PCDHGB2: variants seen among roughly 807,000 people sequenced by gnomAD.
PCDHGB2 encodes the protein protocadherin gamma-B2.
A neutral mutation model predicts 59.3 loss-of-function variants in PCDHGB2; 55 were observed. The observed-to-expected ratio is 0.93, with a 90% confidence interval of 0.75 to 1.16. The LOEUF (loss-of-function observed/expected upper bound fraction) is 1.16, where lower values mean the gene tolerates loss of function less well. Among genes scored for constraint, PCDHGB2 ranks in the 50% most tolerant of loss-of-function variants. The pLI is 0.00. For missense variants in PCDHGB2, 1,228 were observed against 1,198.5 expected (o/e 1.02, Z -0.36); for synonymous variants, 516 against 512.0 (o/e 1.01, Z -0.11).
chr5:141,477,600 T>A lies in PCDHGB2; in HGVS notation c.2422-17207T>A, dbSNP rs746047124. The A allele has an allele frequency of 6.2e-6, 10 of 1,614,146 alleles. No homozygotes were observed. The highest frequency in any genetic ancestry group is 7.6e-6 in the Non-Finnish European group (9 of 1,180,026). ...CCGCAGAATGCTCGGCTTTCTTTCT[T>A]TCTCTTGGAGCAAGGAGCTGAAACC... On this transcript the variant is annotated intron_variant, in intron 1 of 3. Coordinates refer to ENST00000522605, the MANE Select transcript of PCDHGB2 (RefSeq NM_018923.3). This position sits in a 1 kb window ranked among gnomAD's most constrained non-coding sequence, Gnocchi z 4.9.
intron 1 of PCDHGB2, among the ~76,000 whole-genome samples, chr5:141,457,459 C>G (rs749463185): frequency 1.6e-4 from 24 of 152,166 alleles, no homozygotes; most frequent in Non-Finnish European, 3.4e-4. Context: ...CCACTTGATT[C>G]ACAGGAATAA....
chr5:141,418,945 A>G, intron 1 of PCDHGB2: 3 of 1,614,062 alleles, frequency 1.9e-6, no homozygotes, highest in Non-Finnish European at 2.5e-6. Flanking sequence ...ATTCCCCTCC[A>G]GGAGTGGTTG....
At chr5:141,393,000 G>C (rs772046833) in intron 1 of PCDHGB2, 5 of 1,613,856 alleles carry the variant, frequency 3.1e-6, no homozygotes, top group African/African-American at 1.3e-5. Context: ...GGCGAAGCAC[G>C]GAGTCCGTAT....
At chr5:141,426,916 A>T (rs1227752756) in intron 1 of PCDHGB2, 2 of 456,618 alleles carry the variant, frequency 4.4e-6, no homozygotes, top group Non-Finnish European at 4.4e-6. Context: ...CTGGTCCTGG[A>T]AGCAATGGAC....
intron 1 of PCDHGB2, chr5:141,389,699 C>T: frequency 1.2e-6 from 2 of 1,612,646 alleles, no homozygotes; most frequent in Non-Finnish European, 1.7e-6. Flanking sequence ...TGTCCTACCA[C>T]GTGCTGCAGG....
Position 141,489,088 on chromosome 5 carries a change from G to GCCA in PCDHGB2, c.2422-5719_2422-5718insCCA. ...CCCCTGCCCACCCCCGCCACTCGGTGACTAAGAACTGCTGCAAGCAGGCAA... is the reference window on the plus strand; with the variant it reads ...CCCCTGCCCACCCCCGCCACTCGGTGCCAACTAAGAACTGCTGCAAGCAGGCAA... On this transcript the variant is annotated intron_variant, in intron 1 of 3. Coordinates refer to ENST00000522605, the MANE Select transcript of PCDHGB2 (RefSeq NM_018923.3). This position sits in a 1 kb window ranked among gnomAD's most constrained non-coding sequence, Gnocchi z 4.5. The GCCA allele has an allele frequency of 2.9e-6, 1 of 347,238 alleles. No individual in the cohort carries two copies. 21.5% of individuals were successfully genotyped at this position (347,238 alleles called of 1,614,324 possible). A position where few individuals can be genotyped will look rare whatever the true frequency, so the allele number is the denominator to read the frequency against.
chr5:141,385,640 A>C (rs917789862), intron 1 of PCDHGB2: 1 of 803,664 alleles, frequency 1.2e-6, no homozygotes, highest in Admixed American at 4.6e-5. Context: ...CGAGTCTTTC[A>C]TATTGCACAA....
At chr5:141,499,057 A>G (rs1361057448) in intron 2 of PCDHGB2, among the ~76,000 whole-genome samples, 1 of 152,036 alleles carries the variant, frequency 6.6e-6, no homozygotes, top group Non-Finnish European at 1.5e-5. Flanking sequence ...GAAAAAATGA[A>G]GAAGACTTAC....
At chr5:141,437,887 G>A (rs1289693561) in intron 1 of PCDHGB2, among the ~76,000 whole-genome samples, 12 of 151,946 alleles carry the variant, frequency 7.9e-5, no homozygotes, top group Admixed American at 3.3e-4. Flanking sequence ...ACAGGCACAC[G>A]CCACCACACC....
rs2097718776 is a variant in PCDHGB2, at chr5:141,434,813, T to C, written c.2422-59994T>C. On this transcript the variant is annotated intron_variant, in intron 1 of 3. Coordinates refer to ENST00000522605, the MANE Select transcript of PCDHGB2 (RefSeq NM_018923.3). ...TTTTTTCTGAGCTTGGAGAAATATA[T>C]CCCTTAGTACACTTGGCATTTATAA... Among the ~76,000 whole-genome samples, 5 of 151,962 alleles carry C rather than the reference T, an allele frequency of 3.3e-5. No individual in the cohort carries two copies. In the South Asian group the frequency reaches 1.0e-3, roughly 32 times the overall value.
At chr5:141,376,594 G>A in intron 1 of PCDHGB2, 2 of 1,525,706 alleles carry the variant, frequency 1.3e-6, no homozygotes, top group Non-Finnish European at 1.8e-6. Flanking sequence ...TAGATCGGCT[G>A]TTATAGAAGC....
Position 141,486,674 on chromosome 5 carries a change from G to A in PCDHGB2, c.2422-8133G>A. On this transcript the variant is annotated intron_variant, in intron 1 of 3. Transcript: ENST00000522605. This position sits in a 1 kb window ranked among gnomAD's most constrained non-coding sequence, Gnocchi z 5.0. ...CTCACTCCTGGAGCCCAGGAATCGA[G>A]ATGTATCAGCTTCCTCTTTCATCTC... The A allele has an allele frequency of 1.9e-6, 3 of 1,614,080 alleles. No individual in the cohort carries two copies. Among genetic ancestry groups the A allele is most frequent in the Non-Finnish European group, 2.5e-6 (3 of 1,180,036 alleles).
intron 1 of PCDHGB2, among the ~76,000 whole-genome samples, chr5:141,443,764 C>A (rs1351060316): frequency 6.6e-6 from 1 of 151,708 alleles, no homozygotes; most frequent in Non-Finnish European, 1.5e-5. Flanking sequence ...TTACAATATA[C>A]AATATTACCA....
At position 141,408,867 on chromosome 5, in the gene PCDHGB2, G is replaced by T. The variant is rs376342658; in HGVS notation, c.2421+46311G>T. 5.5e-5 allele frequency: 88 copies of T among 1,613,574 alleles called. No homozygotes were observed. The highest frequency in any genetic ancestry group is 6.8e-5 in the Non-Finnish European group (80 of 1,179,830). ...GCCTTGGACGGAGGGGACCCACCAA[G>T]AAGTGCCACCGCTCACATAGAAATT... On this transcript the variant is annotated intron_variant, in intron 1 of 3. Transcript: ENST00000522605.
At chr5:141,388,676 G>A in intron 1 of PCDHGB2, 7 of 1,613,946 alleles carry the variant, frequency 4.3e-6, no homozygotes, top group East Asian at 2.2e-5. Flanking sequence ...TGCTACAGGT[G>A]ACTGCCACGG....
intron 1 of PCDHGB2, chr5:141,364,284 C>G: frequency 6.6e-7 from 1 of 1,517,046 alleles, no homozygotes; most frequent in South Asian, 1.4e-5. Context: ...AATAAGGAAA[C>G]AGCAGGCTGA....
rs768206517 is a variant in PCDHGB2 at position 141,432,482 on chromosome 5, G to C, written c.2422-62325G>C. 6.2e-7 allele frequency: 1 copy of C among 1,614,178 alleles called. No individual in the cohort carries two copies. Among genetic ancestry groups the C allele is most frequent in the South Asian group, 1.1e-5 (1 of 91,074 alleles). ...CCTCCCCACGGACGGTTCCACTGGC[G>C]TGGAGCTGGCTCCCCGCTCCGCAGA... On this transcript the variant is annotated intron_variant, in intron 1 of 3. Coordinates refer to ENST00000522605, the MANE Select transcript of PCDHGB2 (RefSeq NM_018923.3). The surrounding 1 kb of genome is among the most constrained non-coding windows in gnomAD (Gnocchi z 6.0).
At chr5:141,402,162 A>T (rs2150923142) in intron 1 of PCDHGB2, among the ~76,000 whole-genome samples, 1 of 152,306 alleles carries the variant, frequency 6.6e-6, no homozygotes, top group East Asian at 1.9e-4. Context: ...TTAGGCGAGA[A>T]CATCTGTAAC....
At chr5:141,405,881 T>C (rs998587989) in intron 1 of PCDHGB2, among the ~76,000 whole-genome samples, 4 of 152,210 alleles carry the variant, frequency 2.6e-5, no homozygotes, top group Admixed American at 2.6e-4. Flanking sequence ...GGCCTAATTG[T>C]TGCTCCAACA....
Sources: allele counts gnomAD v4.1 joint callset (sites outside exome capture counted in the v4.1 genomes callset), GRCh38; gene constraint gnomAD v4.1.1; non-coding constraint Gnocchi (gnomAD v3.1); transcripts MANE v1.5; gene names NCBI Gene and HGNC (gene_info 2026-07-23, HGNC 2026-07-21).